RFX8: variants seen among roughly 807,000 people sequenced by gnomAD.
RFX8 encodes the protein DNA-binding protein RFX8.
RFX8 carries 46 observed loss-of-function variants against 54.6 expected under a neutral mutation model. That is an observed-to-expected ratio of 0.84 (90% CI 0.67 to 1.08). The LOEUF (loss-of-function observed/expected upper bound fraction) is 1.08, where lower values mean the gene tolerates loss of function less well. Ranked by LOEUF, RFX8 falls within the 50% of genes least tolerant of loss-of-function variation. RFX8 has a pLI of 0.00. For missense variants in RFX8, 536 were observed against 562.3 expected (o/e 0.95, Z 0.47); for synonymous variants, 192 against 209.5 (o/e 0.92, Z 0.72).
intron 2 of RFX8, among the ~76,000 whole-genome samples, chr2:101,455,283 G>A (rs998313738): frequency 3.3e-5 from 5 of 152,130 alleles, no homozygotes; most frequent in African/African-American, 1.2e-4. Context: ...AAAGTGCTGG[G>A]ATTACAGGTG....
intron 2 of RFX8, among the ~76,000 whole-genome samples, chr2:101,453,494 C>T (rs898835333): frequency 2.0e-5 from 3 of 151,356 alleles, no homozygotes; most frequent in Non-Finnish European, 2.9e-5. Flanking sequence ...AAAAATTAGC[C>T]GGGCATGAAC....
chr2:101,459,980 C>T (rs949101763), intron 2 of RFX8, among the ~76,000 whole-genome samples: 1 of 152,118 alleles, frequency 6.6e-6, no homozygotes, highest in East Asian at 1.9e-4. Context: ...GCCGCATCCT[C>T]GCAGGTCGAT....
chr2:101,418,996 C>T, intron 4 of RFX8, 32 bp from the exon 5 acceptor site: 1 of 1,281,420 alleles, frequency 7.8e-7, no homozygotes. Flanking sequence ...ATCGCCAAAA[C>T]TCGTTTTCCA....
At chr2:101,434,878 TGG>T (rs1009870591) in intron 2 of RFX8, 2 of 152,218 alleles carry the variant, frequency 1.3e-5, no homozygotes, top group Admixed American at 1.3e-4. Context: ...GAGGCCTTGT[TGG>T]GGGGCCCTGG....
chr2:101,444,902 A>G (rs999212283), intron 2 of RFX8, among the ~76,000 whole-genome samples: 1 of 152,156 alleles, frequency 6.6e-6, no homozygotes, highest in Admixed American at 6.5e-5. Context: ...TGAAGTAGAT[A>G]CTGTTATCCT....
chr2:101,410,597 T>C, intron 9 of RFX8, 22 bp downstream of exon 9: 1 of 1,342,206 alleles, frequency 7.5e-7, no homozygotes, highest in Non-Finnish European at 1.0e-6. Context: ...ACTTTTTTTT[T>C]TTTTAAGTCA....
intron 2 of RFX8, chr2:101,429,040 G>T (rs774732374): frequency 6.7e-7 from 1 of 1,490,866 alleles, no homozygotes; most frequent in Non-Finnish European, 9.0e-7. Context: ...ACAGAAAACA[G>T]AGAAGTAATT....
In RFX8 at chr2:101,397,505, G is replaced by T; in HGVS notation, c.*43C>A. ...TTTAGTATTTAATATTTTTAAGAAT[G>T]CAAGTCTATCAGTTTTCTTATTCTC... On this transcript the variant is annotated 3_prime_UTR_variant, in exon 12 of 12. Coordinates refer to ENST00000428343, the MANE Select transcript of RFX8 (RefSeq NM_001145664.2). 7.6e-7 allele frequency: 1 copy of T among 1,307,202 alleles called. No homozygotes were observed. Among genetic ancestry groups the T allele is most frequent in the Non-Finnish European group, 1.0e-6 (1 of 959,514 alleles). The allele number at this position is 1,307,202 out of a possible 1,614,324, so 81.0% of individuals were successfully genotyped here. A position where few individuals can be genotyped will look rare whatever the true frequency, so the allele number is the denominator to read the frequency against.
chr2:101,449,629 T>C (rs1688570983), intron 2 of RFX8, among the ~76,000 whole-genome samples: 1 of 151,838 alleles, frequency 6.6e-6, no homozygotes, highest in Non-Finnish European at 1.5e-5. Flanking sequence ...ATATGTTGAG[T>C]GTGAGGTACC....
chr2:101,472,111 T>C (rs1690033546), intron 1 of RFX8, among the ~76,000 whole-genome samples: 1 of 152,214 alleles, frequency 6.6e-6, no homozygotes, highest in African/African-American at 2.4e-5. Flanking sequence ...GTTTTTTATT[T>C]TGTTTTGAGA....
intron 8 of RFX8, among the ~76,000 whole-genome samples, chr2:101,412,107 C>T (rs1051028621): frequency 2.0e-5 from 3 of 152,106 alleles, no homozygotes; most frequent in South Asian, 2.1e-4. Context: ...AGAGGCCATT[C>T]GACTTACCTG....
chr2:101,441,343 T>G (rs945674468), intron 2 of RFX8, among the ~76,000 whole-genome samples: 4 of 152,184 alleles, frequency 2.6e-5, no homozygotes, highest in African/African-American at 9.6e-5. Context: ...GATTTGGTCT[T>G]GAGGGCCCTG....
At chr2:101,461,347 TGCAGTATTA>T (rs1468643395) in intron 2 of RFX8, among the ~76,000 whole-genome samples, 11 of 150,510 alleles carry the variant, frequency 7.3e-5, no homozygotes, top group African/African-American at 2.7e-4. Flanking sequence ...CAAATCTAAA[TGCAGTATTA>T]GAGGCTAGAA....
chr2:101,459,681 G>A (rs1007816854), intron 2 of RFX8, among the ~76,000 whole-genome samples: 1 of 152,188 alleles, frequency 6.6e-6, no homozygotes, highest in Non-Finnish European at 1.5e-5. Flanking sequence ...GTCAGGCTAC[G>A]TGGGGGTCAG....
chr2:101,470,190 C>T (rs1381895401), intron 1 of RFX8, among the ~76,000 whole-genome samples: 1 of 152,182 alleles, frequency 6.6e-6, no homozygotes, highest in Non-Finnish European at 1.5e-5. Context: ...GACTCTGAGA[C>T]ACCTGAGAGT....
chr2:101,446,610 G>A (rs1688395584), intron 2 of RFX8, among the ~76,000 whole-genome samples: 1 of 152,120 alleles, frequency 6.6e-6, no homozygotes, highest in Non-Finnish European at 1.5e-5. Flanking sequence ...CCTCACCGAT[G>A]ATAAAGCCTA....
At chr2:101,446,421 G>T (rs1423291115) in intron 2 of RFX8, among the ~76,000 whole-genome samples, 2 of 120,476 alleles carry the variant, frequency 1.7e-5, no homozygotes, top group East Asian at 2.4e-4. Context: ...TGATCCACTC[G>T]CCTTGGTCTC....
chr2:101,444,936 GAC>G (rs1328320402), intron 2 of RFX8, among the ~76,000 whole-genome samples: 2 of 152,206 alleles, frequency 1.3e-5, no homozygotes, highest in Non-Finnish European at 2.9e-5. Context: ...AGGAAACTGA[GAC>G]ACAGAGAGAT....
chr2:101,453,757 C>T (rs1476845698), intron 2 of RFX8, among the ~76,000 whole-genome samples: 1 of 152,042 alleles, frequency 6.6e-6, no homozygotes, highest in African/African-American at 2.4e-5. Context: ...GATATTTCCC[C>T]TTGTCATAAA....
Sources: allele counts gnomAD v4.1 joint callset (sites outside exome capture counted in the v4.1 genomes callset), GRCh38; gene constraint gnomAD v4.1.1; transcripts MANE v1.5; gene names NCBI Gene and HGNC (gene_info 2026-07-23, HGNC 2026-07-21).